The following ABCA3 variants were observed in gnomAD, a reference collection of about 807,000 sequenced individuals.
ABCA3 encodes phospholipid-transporting ATPase ABCA3.
In ABCA3, 88 loss-of-function variants were observed where a neutral mutation model predicts 172.8. The observed-to-expected ratio is 0.51, with a 90% confidence interval of 0.43 to 0.61. The LOEUF (loss-of-function observed/expected upper bound fraction) is 0.61, where lower values mean the gene tolerates loss of function less well. ABCA3 is among the 20% of genes least tolerant of loss of function. The pLI is 0.00. For missense variants in ABCA3, 2,164 were observed against 2,301.0 expected, an observed-to-expected ratio of 0.94 and a Z score of 1.22; for synonymous variants, 1,066 against 983.8, an observed-to-expected ratio of 1.08 and a Z score of -1.56.
rs1409785410 is a variant in ABCA3 at position 2,323,507 on chromosome 16, T to C, written c.613+16A>G. 1.2e-6 allele frequency: 2 copies of C among 1,613,966 alleles called. No individual in the cohort carries two copies. The highest frequency in any genetic ancestry group is 2.2e-5 in the East Asian group (1 of 44,872). ...CAGCCCGGGCTGGTAACACGAACCC[T>C]AACCGAGCTTCTCACCAGGTTCTCC... On this transcript the variant is annotated intron_variant, in intron 7 of 32. Transcript: ENST00000301732.
At chr16:2,310,036 T>C (rs142992975) in intron 10 of ABCA3, among the ~76,000 whole-genome samples, 24 of 152,280 alleles carry the variant, frequency 1.6e-4, no homozygotes, top group African/African-American at 5.5e-4. Flanking sequence ...GAGAAATTAA[T>C]ACTAAGAACA....
chr16:2,308,474 G>A lies in ABCA3; in HGVS notation c.1261C>T (p.Leu421Phe), dbSNP rs1450879880. The part of the protein sequence containing the change: ...SNVAMAMGAQ[L>F]IGKFEAKGMG... ...CCTTTCGCCTCAAATTTCCCAATGA[G>A]CTGGGCTCCCATTGCCATGGCGACA... The change falls in exon 11 of 33, where the codon CTC becomes TTC. Residue 421 changes from leucine to phenylalanine, a missense_variant. Coordinates refer to ENST00000301732, the MANE Select transcript of ABCA3 (RefSeq NM_001089.3). The A allele has an allele frequency of 6.2e-7, 1 of 1,614,224 alleles. No homozygotes were observed. The highest frequency in any genetic ancestry group is 8.5e-7 in the Non-Finnish European group (1 of 1,180,034).
chr16:2,322,677 G>A (rs2093727968), intron 7 of ABCA3, among the ~76,000 whole-genome samples: 1 of 152,102 alleles, frequency 6.6e-6, no homozygotes, highest in African/African-American at 2.4e-5. Flanking sequence ...AGACTTCAAT[G>A]TTAGGCCTGA....
At chr16:2,306,912 G>A (rs1435978164) in intron 11 of ABCA3, among the ~76,000 whole-genome samples, 6 of 151,432 alleles carry the variant, frequency 4.0e-5, no homozygotes, top group Admixed American at 2.6e-4. Flanking sequence ...CTACTTGGGA[G>A]GCTGAGGCAG....
At position 2,295,715 on chromosome 16, in the gene ABCA3, C is replaced by A; in HGVS notation, c.2289G>T (p.Val763=). Reference sequence around the variant, plus strand: ...CTTCCGGGTTGCAGTGCGGCTCCTTCACCAGCGTCATGTGATAGCCGGCAC... The same window carrying A: ...CTTCCGGGTTGCAGTGCGGCTCCTTAACCAGCGTCATGTGATAGCCGGCAC... ...KYGAGYHMTL[V]KEPHCNPEDI... is the part of the protein sequence containing the mutation. The change falls in exon 18 of 33, where the codon GTG becomes GTT. Residue 763 remains valine (V), a synonymous_variant. Coordinates refer to ENST00000301732, the MANE Select transcript of ABCA3 (RefSeq NM_001089.3). The A allele has an allele frequency of 6.2e-7, 1 of 1,613,962 alleles. No individual in the cohort carries two copies. The highest frequency in any genetic ancestry group is 2.2e-5 in the East Asian group (1 of 44,884).
rs2141738508 is a variant in ABCA3, at chr16:2,324,437, G to A, written c.414C>T (p.Pro138=). 1.2e-6 allele frequency: 2 copies of A among 1,606,172 alleles called. No homozygotes were observed. The highest frequency in any genetic ancestry group is 1.7e-6 in the Non-Finnish European group (2 of 1,179,058). ...SVLAAVVFEH[P]FNHSKEPLPL... is the part of the protein sequence containing the mutation. ...GCAGGGGCTCCTTGCTGTGGTTGAAGGGGTGCTCGAAGACCACGGCGGCCA... is the reference window on the plus strand; with the variant it reads ...GCAGGGGCTCCTTGCTGTGGTTGAAAGGGTGCTCGAAGACCACGGCGGCCA... The change falls in exon 6 of 33, where the codon CCC becomes CCT. Residue 138 remains proline, a synonymous_variant. Coordinates refer to ENST00000301732, the MANE Select transcript of ABCA3 (RefSeq NM_001089.3).
rs1416452575 is a variant in ABCA3, at chr16:2,317,341, C to T, written c.1053G>A (p.Leu351=). The change falls in exon 10 of 33, where the codon CTG becomes CTA. Residue 351 remains leucine (L), a synonymous_variant. Transcript: ENST00000301732. ...SDPSLVLAFL[L]CFAISTISFS... is the part of the protein sequence containing the mutation. ...AGGAGATGGTAGAGATGGCGAAGCA[C>T]AGCAGGAAGGCGAGCACCAGGGAGG... is the stretch of plus-strand genomic sequence containing the variant. 12 of 1,614,000 alleles carry T rather than the reference C, an allele frequency of 7.4e-6. No homozygotes were observed. Among genetic ancestry groups the T allele is most frequent in the African/African-American group, 1.3e-5 (1 of 74,938 alleles).
chr16:2,339,488 A>G lies in ABCA3; in HGVS notation c.-539+1085T>C, dbSNP rs570821057. Among the ~76,000 whole-genome samples, 11 of 152,308 alleles carry G rather than the reference A, an allele frequency of 7.2e-5. No homozygotes were observed. In the South Asian group the frequency reaches 2.3e-3, roughly 32 times the overall value. ...TTATCTATTTTTCCCTTTCTCTTAC[A>G]TTTCTCATGAGGCAAACTTTCTAAA... On this transcript the variant is annotated intron_variant, in intron 1 of 32. Transcript: ENST00000301732.
intron 9 of ABCA3, 87 bp from the exon 10 acceptor site, chr16:2,317,490 G>T (rs978851139): frequency 6.5e-6 from 10 of 1,550,212 alleles, no homozygotes; most frequent in South Asian, 4.6e-5. Context: ...ACAGGGACGC[G>T]GCTCCACCGA....
At chr16:2,337,552 T>G (rs1018798433) in intron 1 of ABCA3, among the ~76,000 whole-genome samples, 1 of 151,422 alleles carries the variant, frequency 6.6e-6, no homozygotes, top group East Asian at 1.9e-4. Flanking sequence ...TGTTTGATTT[T>G]TTTTTTTTTT....
intron 10 of ABCA3, among the ~76,000 whole-genome samples, chr16:2,315,079 T>TTCA (rs1399792004): frequency 1.3e-5 from 2 of 151,286 alleles, no homozygotes; most frequent in African/African-American, 4.9e-5. Flanking sequence ...GAGACGAGGT[T>TTCA]TCACTGTGTT....
At position 2,285,578 on chromosome 16, in the gene ABCA3, G is replaced by C; in HGVS notation, c.3347C>G (p.Ser1116Cys). ...GGCCCTCTCGCTGACCGCCAGGATG[G>C]AGAACGTGCTGGCCAAGAATGCCAT... ...FAMAFLASTFSILAVSERAVQ... is the reference protein window; with the variant it reads ...FAMAFLASTFCILAVSERAVQ... Residue 1116 changes from serine to cysteine, a missense_variant, in exon 23 of 33, where the codon TCC (serine) becomes TGC (cysteine). Physicochemically the swap from Ser to Cys is moderately radical, Grantham distance 112 (BLOSUM62 -1). Transcript: ENST00000301732. The surrounding 1 kb of genome is among the most constrained non-coding windows in gnomAD (Gnocchi z 4.7). The C allele has an allele frequency of 6.4e-7, 1 of 1,569,870 alleles. No individual in the cohort carries two copies.
Position 2,281,503 on chromosome 16 carries a change from A to G in ABCA3, c.4042T>C (p.Leu1348=). The change falls in exon 27 of 33, where the codon TTA becomes CTA. Residue 1348 remains leucine, a synonymous_variant. Coordinates refer to ENST00000301732, the MANE Select transcript of ABCA3 (RefSeq NM_001089.3). This position sits in a 1 kb window ranked among gnomAD's most constrained non-coding sequence, Gnocchi z 4.7. ...GGAAGCACAGGCATCCGGGTGTATA[A>G]TTCTGTCTGATTGACCAGGACAAAG... The part of the protein sequence containing the change: ...ALRRRRTLTE[L]YTRMPVLPED... The G allele has an allele frequency of 7.0e-7, 1 of 1,425,540 alleles. No individual in the cohort carries two copies. Among genetic ancestry groups the G allele is most frequent in the South Asian group, 1.1e-5 (1 of 88,956 alleles). 88.3% of individuals were successfully genotyped at this position (1,425,540 alleles called of 1,614,324 possible). A position where few individuals can be genotyped will look rare whatever the true frequency, so the allele number is the denominator to read the frequency against.
rs146642275 is a variant in ABCA3, at chr16:2,329,713, G to A, written c.-397C>T. 276 of 152,716 alleles carry A rather than the reference G, an allele frequency of 1.8e-3. No individual in the cohort carries two copies. Among genetic ancestry groups the A allele is most frequent in the Admixed American group, 3.6e-3 (55 of 15,296 alleles). 9.5% of individuals were successfully genotyped at this position (152,716 alleles called of 1,614,324 possible). A position where few individuals can be genotyped will look rare whatever the true frequency, so the allele number is the denominator to read the frequency against. On this transcript the variant is annotated 5_prime_UTR_variant, in exon 2 of 33. Coordinates refer to ENST00000301732, the MANE Select transcript of ABCA3 (RefSeq NM_001089.3). ...AGGACTACTGGGGAACTGGCCAGGA[G>A]GAGGCGGCTCCGCACAGAGGGCTCC...
chr16:2,295,523 G>A (rs531759300), intron 18 of ABCA3, 67 bp downstream of exon 18: 8 of 1,597,510 alleles, frequency 5.0e-6, no homozygotes, highest in African/African-American at 2.7e-5. Flanking sequence ...TGAGCACAAA[G>A]CCCTCATGGC....
chr16:2,320,408 T>C (rs2093724228), intron 7 of ABCA3, among the ~76,000 whole-genome samples: 1 of 142,850 alleles, frequency 7.0e-6, no homozygotes, highest in Admixed American at 7.1e-5. Flanking sequence ...TTTTTTTTTT[T>C]TGAGACAGTC....
In ABCA3 at chr16:2,289,443, G is replaced by C. The variant is rs375096653; in HGVS notation, c.2691C>G (p.Leu897=). Reference sequence around the variant, plus strand: ...CCACCTGGGCACTCACCCCAGTGTTGAGCTTGACAGCGGTGCGCTCCTCCT... The same window carrying C: ...CCACCTGGGCACTCACCCCAGTGTTCAGCTTGACAGCGGTGCGCTCCTCCT... ...LIEEERTAVK[L]NTGLALHCQQ... is the part of the protein sequence containing the mutation. The change falls in exon 20 of 33, where the codon CTC becomes CTG. Residue 897 remains leucine (L), a synonymous_variant. Coordinates refer to ENST00000301732, the MANE Select transcript of ABCA3 (RefSeq NM_001089.3). The C allele has an allele frequency of 1.4e-6, 2 of 1,444,306 alleles. No homozygotes were observed. The highest frequency in any genetic ancestry group is 2.8e-5 in the African/African-American group (2 of 70,778). 89.5% of individuals were successfully genotyped at this position (1,444,306 alleles called of 1,614,324 possible).
Position 2,286,874 on chromosome 16 carries a change from C to G in ABCA3, c.3098G>C (p.Gly1033Ala). ...CAAGGCGTTGACGACCGTGCGCTCT[C>G]CCACATCTCTGAAGGACGCTGCCAC... ...CLVAASFRDV[G>A]ERTVVNALFN... is the part of the protein sequence containing the mutation. Residue 1033 changes from glycine to alanine, a missense_variant, in exon 22 of 33, where the codon GGA becomes GCA. Physicochemically the swap from Gly to Ala is moderately conservative, Grantham distance 60. Around this residue, in one of 3 missense-constraint regions of ABCA3, gnomAD observed 26 missense variants for 49.5 expected, o/e 0.53. Transcript: ENST00000301732. This position sits in a 1 kb window ranked among gnomAD's most constrained non-coding sequence, Gnocchi z 5.2. 2 of 1,614,138 alleles carry G rather than the reference C, an allele frequency of 1.2e-6. No individual in the cohort carries two copies. Among genetic ancestry groups the G allele is most frequent in the Non-Finnish European group, 1.7e-6 (2 of 1,180,036 alleles).
Position 2,276,737 on chromosome 16 carries a change from C to A in ABCA3, c.5052G>T (p.Ser1684=), listed in dbSNP as rs370065784. Residue 1684 remains serine, a synonymous_variant, in exon 33 of 33, where the codon TCG becomes TCT. Transcript: ENST00000301732. ...GVDDYSVSQI[S]LEQVFLSFAH... Reference sequence around the variant, plus strand: ...CGAAGCTCAGGAAGACCTGTTCCAGCGAGATCTGGCTCACGGAGTAGTCGT... The same window carrying A: ...CGAAGCTCAGGAAGACCTGTTCCAGAGAGATCTGGCTCACGGAGTAGTCGT... The A allele has an allele frequency of 1.2e-5, 20 of 1,613,880 alleles. No individual in the cohort carries two copies. Among genetic ancestry groups the A allele is most frequent in the African/African-American group, 4.0e-5 (3 of 74,946 alleles).
Sources: allele counts gnomAD v4.1 joint callset (sites outside exome capture counted in the v4.1 genomes callset), GRCh38; gene constraint gnomAD v4.1.1; regional missense constraint gnomAD v4.1.1; non-coding constraint Gnocchi (gnomAD v3.1); transcripts MANE v1.5; gene names NCBI Gene and HGNC (gene_info 2026-07-23, HGNC 2026-07-21).